Variants in SLC35F4 observed in about 807,000 individuals in gnomAD.
The protein encoded by SLC35F4 is solute carrier family 35 member F4, also known as chromosome 14 open reading frame 36.
A neutral mutation model predicts 44.2 loss-of-function variants in SLC35F4; 24 were observed. That is an observed-to-expected ratio of 0.54 (90% CI 0.39 to 0.76). The LOEUF (loss-of-function observed/expected upper bound fraction) is 0.76. Among genes scored for constraint, SLC35F4 ranks in the 30% least tolerant of loss-of-function variants. The probability of loss-of-function intolerance (pLI) is 0.00; values close to 1 mark genes in which losing one functional copy is unlikely to be tolerated. For synonymous variants in SLC35F4, 238 were observed against 223.6 expected, an observed-to-expected ratio of 1.06 and a Z score of -0.57; for missense variants, 562 against 586.1, an observed-to-expected ratio of 0.96 and a Z score of 0.42.
chr14:57,578,273 A>G (rs1035692776), intron 4 of SLC35F4, among the ~76,000 whole-genome samples: 3 of 147,248 alleles, frequency 2.0e-5, no homozygotes, highest in African/African-American at 7.5e-5. Flanking sequence ...ATGCTTTAGC[A>G]TGAACTAGAA....
At chr14:57,654,211 C>A in intron 1 of SLC35F4, among the ~76,000 whole-genome samples, 1 of 151,936 alleles carries the variant, frequency 6.6e-6, no homozygotes, top group East Asian at 1.9e-4. Flanking sequence ...TCTTTAGTGG[C>A]GATTTCTGGG....
chr14:57,799,284 G>C (rs142413143), intron 1 of SLC35F4: 1 of 152,450 alleles, frequency 6.6e-6, no homozygotes, highest in East Asian at 1.9e-4. Context: ...CCACAGATCT[G>C]TGCAACCCAT....
At chr14:57,894,579 T>C (rs1411755191) in intron 1 of SLC35F4, among the ~76,000 whole-genome samples, 2 of 152,148 alleles carry the variant, frequency 1.3e-5, no homozygotes, top group Non-Finnish European at 2.9e-5. Context: ...CACTGGCCTA[T>C]TCTCTTTATG....
chr14:57,684,657 T>C (rs546438226), intron 1 of SLC35F4, among the ~76,000 whole-genome samples: 1 of 152,204 alleles, frequency 6.6e-6, no homozygotes, highest in Non-Finnish European at 1.5e-5. Context: ...ACCTCTGCCC[T>C]AGTGGCTCCT....
chr14:57,707,317 G>A (rs1020722687), intron 1 of SLC35F4, among the ~76,000 whole-genome samples: 6 of 152,122 alleles, frequency 3.9e-5, no homozygotes, highest in Non-Finnish European at 7.4e-5. Context: ...ACATATCATG[G>A]GAGGGACTTG....
intron 1 of SLC35F4, among the ~76,000 whole-genome samples, chr14:57,725,750 A>C (rs1891484840): frequency 1.3e-5 from 2 of 152,188 alleles, no homozygotes; most frequent in South Asian, 4.1e-4. Flanking sequence ...GCTGGGGCAA[A>C]GTTCTCCAGA....
chr14:57,769,444 G>T (rs2077309167), intron 1 of SLC35F4, among the ~76,000 whole-genome samples: 1 of 152,180 alleles, frequency 6.6e-6, no homozygotes, highest in Non-Finnish European at 1.5e-5. Context: ...CAAAATTGGG[G>T]TGTGAATCTG....
intron 1 of SLC35F4, among the ~76,000 whole-genome samples, chr14:57,920,869 G>A (rs1166044137): frequency 6.6e-6 from 1 of 152,184 alleles, no homozygotes; most frequent in Non-Finnish European, 1.5e-5. Flanking sequence ...CATAGCTGAG[G>A]CCTCTAGGAA....
rs55694938 is a variant in SLC35F4 at position 57,730,403 on chromosome 14, CTT to C, written c.103+135318_103+135319del. 4.9e-4 allele frequency among the ~76,000 whole-genome samples: 74 copies of C among 150,460 alleles called. No homozygotes were observed. In the East Asian group the frequency reaches 7.5e-3, roughly 15 times the overall value. On this transcript the variant is annotated intron_variant, in intron 1 of 7. Coordinates refer to ENST00000556826, the MANE Select transcript of SLC35F4 (RefSeq NM_001306087.2). ...TTCCCTGATGATCAGCGATGTTGAA[CTT>C]TTTTTTTTTCACATACTTCCTAGCC...
intron 1 of SLC35F4, among the ~76,000 whole-genome samples, chr14:57,710,954 G>A (rs151101606): frequency 0.033 from 5,050 of 152,090 alleles, 111 homozygotes; most frequent in South Asian, 0.088. Context: ...TTAAGACTTC[G>A]GGGGACTGTT....
intron 1 of SLC35F4, among the ~76,000 whole-genome samples, chr14:57,907,098 T>G (rs1889115514): frequency 6.6e-6 from 1 of 152,232 alleles, no homozygotes; most frequent in Non-Finnish European, 1.5e-5. Flanking sequence ...TATTTGATTT[T>G]AGATATGGGA....
intron 1 of SLC35F4, among the ~76,000 whole-genome samples, chr14:57,937,217 G>T (rs569496279): frequency 6.6e-6 from 1 of 151,986 alleles, no homozygotes; most frequent in African/African-American, 2.4e-5. Context: ...ACAGGCATGC[G>T]CCACTACGCC....
intron 1 of SLC35F4, among the ~76,000 whole-genome samples, chr14:57,751,129 A>G (rs918646340): frequency 6.6e-6 from 1 of 152,240 alleles, no homozygotes; most frequent in East Asian, 1.9e-4. Flanking sequence ...TAAAAACTAC[A>G]TAAAGTACAT....
At chr14:57,604,635 C>A (rs1822147447) in intron 1 of SLC35F4, among the ~76,000 whole-genome samples, 1 of 152,112 alleles carries the variant, frequency 6.6e-6, no homozygotes, top group South Asian at 2.1e-4. Context: ...CAAAAAAGAG[C>A]CCAAATAGCT....
At chr14:57,702,217 G>T (rs548095746) in intron 1 of SLC35F4, among the ~76,000 whole-genome samples, 1 of 151,146 alleles carries the variant, frequency 6.6e-6, no homozygotes, top group East Asian at 2.0e-4. Context: ...TAATCCTCTT[G>T]TATTTTCCCC....
chr14:57,774,384 G>A (rs868785899), intron 1 of SLC35F4, among the ~76,000 whole-genome samples: 37 of 152,298 alleles, frequency 2.4e-4, no homozygotes, highest in Middle Eastern at 3.4e-3. Context: ...GTGTTGGCAT[G>A]GAGAGCTTCT....
chr14:57,591,702 G>C (rs1261642509), intron 2 of SLC35F4, among the ~76,000 whole-genome samples: 1 of 152,190 alleles, frequency 6.6e-6, no homozygotes, highest in Non-Finnish European at 1.5e-5. Flanking sequence ...GGCACTGCAA[G>C]TTTCAGACTA....
chr14:57,782,267 T>G (rs950150141), intron 1 of SLC35F4, among the ~76,000 whole-genome samples: 7 of 151,568 alleles, frequency 4.6e-5, no homozygotes, highest in African/African-American at 1.7e-4. Flanking sequence ...ATAATGAGTT[T>G]GAACTTCACA....
intron 1 of SLC35F4, among the ~76,000 whole-genome samples, chr14:57,773,633 T>C (rs2077421208): frequency 6.7e-6 from 1 of 148,412 alleles, no homozygotes; most frequent in African/African-American, 2.5e-5. Context: ...TAAAAATAGA[T>C]TTTTTAAAAG....
Sources: gnomAD v4.1 joint callset for allele counts (sites outside exome capture counted in the v4.1 genomes callset) on GRCh38, gnomAD v4.1.1 for gene constraint, MANE v1.5 for transcripts, NCBI Gene and HGNC (gene_info 2026-07-23, HGNC 2026-07-21) for gene names.